NRXN1: variants seen among roughly 807,000 people sequenced by gnomAD.
NRXN1 encodes neurexin 1.
Under a neutral mutation model 150.9 loss-of-function variants are expected in NRXN1, and 39 were observed. The ratio of observed to expected loss-of-function variants is 0.26; its 90% CI spans 0.20 to 0.34. NRXN1 has a LOEUF of 0.34. Among genes scored for constraint, NRXN1 ranks in the 10% least tolerant of loss-of-function variants. NRXN1 has a pLI of 1.00. For synonymous variants in NRXN1, 924 were observed against 757.0 expected (o/e 1.22, Z -3.62); for missense variants, 1,815 against 1,949.9 (o/e 0.93, Z 1.30).
chr2:49,956,024 G>C (rs1674874865), intron 21 of NRXN1, among the ~76,000 whole-genome samples: 1 of 152,074 alleles, frequency 6.6e-6, no homozygotes, highest in Admixed American at 6.6e-5. Context: ...TTTGGAGAAG[G>C]CATCTATCAT....
chr2:50,647,935 T>C (rs548148276), intron 5 of NRXN1, among the ~76,000 whole-genome samples: 115 of 152,008 alleles, frequency 7.6e-4, no homozygotes, highest in Non-Finnish European at 1.3e-3. Flanking sequence ...TGTGTGTATA[T>C]ACATATATAC....
At chr2:50,652,674 T>C (rs1685818503) in intron 5 of NRXN1, among the ~76,000 whole-genome samples, 1 of 152,098 alleles carries the variant, frequency 6.6e-6, no homozygotes, top group Non-Finnish European at 1.5e-5. Context: ...AACGAATTTT[T>C]GTATAGACAC....
intron 2 of NRXN1, among the ~76,000 whole-genome samples, chr2:50,926,724 G>C (rs1246145928): frequency 6.6e-6 from 1 of 151,730 alleles, no homozygotes; most frequent in Non-Finnish European, 1.5e-5. Context: ...GAATTTGTTT[G>C]AGACAATGAA....
At chr2:50,018,746 A>G (rs1378203621) in intron 21 of NRXN1, among the ~76,000 whole-genome samples, 3 of 152,212 alleles carry the variant, frequency 2.0e-5, no homozygotes, top group Admixed American at 1.3e-4. Context: ...CAATCTTGGT[A>G]TATCATCTTC....
At chr2:50,679,429 A>C (rs577812211) in intron 5 of NRXN1, among the ~76,000 whole-genome samples, 11 of 152,150 alleles carry the variant, frequency 7.2e-5, no homozygotes, top group Non-Finnish European at 1.5e-4. Flanking sequence ...TAGGCAAAGA[A>C]AAATATCTGA....
chr2:50,506,489 G>GT lies in NRXN1; in HGVS notation c.2497+5dup, dbSNP rs746011628. On this transcript the variant is annotated splice_donor_region_variant and intron_variant, in intron 13 of 22. Coordinates refer to ENST00000401669, the MANE Select transcript of NRXN1 (RefSeq NM_001330078.2). ...TAGGAAAAGACAATGGGACAGAGGTGTTTACCTGTCATGGCCTGTTGGTCA... is the reference window on the plus strand; with the variant it reads ...TAGGAAAAGACAATGGGACAGAGGTGTTTTACCTGTCATGGCCTGTTGGTCA... 1.2e-6 allele frequency: 2 copies of GT among 1,611,680 alleles called. No individual in the cohort carries two copies. Among genetic ancestry groups the GT allele is most frequent in the African/African-American group, 2.7e-5 (2 of 74,978 alleles).
intron 8 of NRXN1, among the ~76,000 whole-genome samples, chr2:50,581,430 A>G (rs1342820207): frequency 1.3e-5 from 2 of 152,210 alleles, no homozygotes; most frequent in Non-Finnish European, 2.9e-5. Context: ...CAAATAAATT[A>G]AACTGGCCAT....
intron 9 of NRXN1, among the ~76,000 whole-genome samples, chr2:50,539,093 A>G (rs960990560): frequency 1.3e-5 from 2 of 152,250 alleles, no homozygotes; most frequent in African/African-American, 4.8e-5. Flanking sequence ...TGAGCACAAT[A>G]GTTTCACAGA....
At chr2:50,560,698 A>C (rs1252776262) in intron 8 of NRXN1, among the ~76,000 whole-genome samples, 1 of 152,044 alleles carries the variant, frequency 6.6e-6, no homozygotes, top group Non-Finnish European at 1.5e-5. Context: ...TCCCAAACTA[A>C]TGCATCTTTA....
At chr2:50,372,826 C>G (rs2080124928) in intron 17 of NRXN1, among the ~76,000 whole-genome samples, 1 of 152,088 alleles carries the variant, frequency 6.6e-6, no homozygotes, top group East Asian at 1.9e-4. Context: ...CCAGCACTCC[C>G]CAAAGACTGT....
intron 8 of NRXN1, chr2:50,619,214 T>C (rs1037581361): frequency 1.3e-5 from 2 of 152,192 alleles, no homozygotes; most frequent in Middle Eastern, 3.2e-3. Flanking sequence ...TTTAGAAATC[T>C]ACACCATTAA....
intron 22 of NRXN1, among the ~76,000 whole-genome samples, chr2:49,930,280 T>C (rs1299245208): frequency 6.6e-6 from 1 of 152,146 alleles, no homozygotes; most frequent in Non-Finnish European, 1.5e-5. Context: ...AACAATTTTA[T>C]GTGGCAAAAG....
In NRXN1 at chr2:50,922,230, G is replaced by T. The variant is rs138924918; in HGVS notation, c.821-350C>A. Among the ~76,000 whole-genome samples, 249 of 151,932 alleles carry T rather than the reference G, an allele frequency of 1.6e-3. 1 individual carries two copies. Among genetic ancestry groups the T allele is most frequent in the Middle Eastern group, 6.8e-3 (2 of 292 alleles). ...TACAAGCCAGAAGCCAAAGATGTCT[G>T]CATGTTCCCAAACTGTCATGCATGG... is the stretch of plus-strand genomic sequence containing the variant. On this transcript the variant is annotated intron_variant, in intron 4 of 22. Coordinates refer to ENST00000401669, the MANE Select transcript of NRXN1 (RefSeq NM_001330078.2).
rs775014955 is a variant in NRXN1, at chr2:50,864,403, G to T, written c.832+57466C>A. Among the ~76,000 whole-genome samples, 7 of 152,122 alleles carry T rather than the reference G, an allele frequency of 4.6e-5. No individual in the cohort carries two copies. In the South Asian group the frequency reaches 1.4e-3, roughly 31 times the overall value. On this transcript the variant is annotated intron_variant, in intron 5 of 22. Transcript: ENST00000401669. Reference sequence around the variant, plus strand: ...CTTTTCATTTTCCAAGAGACTAGCAGAGTGACTTATAAATAATAGGTGACT... The same window carrying T: ...CTTTTCATTTTCCAAGAGACTAGCATAGTGACTTATAAATAATAGGTGACT...
chr2:50,318,778 G>A (rs2075806222), intron 17 of NRXN1, among the ~76,000 whole-genome samples: 2 of 151,986 alleles, frequency 1.3e-5, no homozygotes, highest in African/African-American at 4.8e-5. Context: ...AAAGTAAGAA[G>A]ATTATAAACA....
chr2:50,583,624 A>T, intron 8 of NRXN1, among the ~76,000 whole-genome samples: 1 of 152,186 alleles, frequency 6.6e-6, no homozygotes, highest in Non-Finnish European at 1.5e-5. Flanking sequence ...TTGAAGACTG[A>T]GTAAATAGCC....
At chr2:49,940,923 T>C (rs1349342480) in intron 22 of NRXN1, among the ~76,000 whole-genome samples, 3 of 152,168 alleles carry the variant, frequency 2.0e-5, no homozygotes, top group Admixed American at 6.5e-5. Flanking sequence ...AATTGATGAA[T>C]TGAAAACTGA....
intron 19 of NRXN1, among the ~76,000 whole-genome samples, chr2:50,090,286 T>C (rs1015014699): frequency 1.3e-5 from 2 of 152,220 alleles, no homozygotes; most frequent in Non-Finnish European, 2.9e-5. Flanking sequence ...ACATTGGTTA[T>C]GTCATTAAAT....
intron 18 of NRXN1, among the ~76,000 whole-genome samples, chr2:50,176,231 C>T (rs955942182): frequency 3.9e-5 from 6 of 152,142 alleles, no homozygotes; most frequent in Non-Finnish European, 7.4e-5. Context: ...TATGTTTCAG[C>T]TCTTATTGAA....
Sources: gnomAD v4.1 joint callset for allele counts (sites outside exome capture counted in the v4.1 genomes callset) on GRCh38, gnomAD v4.1.1 for gene constraint, MANE v1.5 for transcripts, NCBI Gene and HGNC (gene_info 2026-07-23, HGNC 2026-07-21) for gene names.